The following SLC12A6 variants were observed in gnomAD, a reference collection of about 807,000 sequenced individuals.
SLC12A6 encodes the protein solute carrier family 12 member 6.
In SLC12A6, 66 loss-of-function variants were observed where a neutral mutation model predicts 135.3. The ratio of observed to expected loss-of-function variants is 0.49; its 90% CI spans 0.40 to 0.60. SLC12A6 has a LOEUF of 0.60. Among genes scored for constraint, SLC12A6 ranks in the 20% least tolerant of loss-of-function variants. SLC12A6 has a pLI of 0.00. For synonymous variants in SLC12A6, 513 were observed against 508.8 expected (o/e 1.01, Z -0.11); for missense variants, 1,058 against 1,452.3 (o/e 0.73, Z 4.41).
intron 3 of SLC12A6, among the ~76,000 whole-genome samples, chr15:34,272,690 C>T (rs1299108137): frequency 1.3e-5 from 2 of 152,150 alleles, no homozygotes; most frequent in Non-Finnish European, 2.9e-5. Context: ...TAAGATAACT[C>T]TTCCTTCATA....
At chr15:34,315,112 C>T (rs1031195780) in intron 2 of SLC12A6, among the ~76,000 whole-genome samples, 3 of 152,116 alleles carry the variant, frequency 2.0e-5, no homozygotes, top group Non-Finnish European at 4.4e-5. Flanking sequence ...GGTGAAATGG[C>T]AACAAAGGAT....
intron 2 of SLC12A6, among the ~76,000 whole-genome samples, chr15:34,310,372 G>T (rs1442367566): frequency 7.1e-6 from 1 of 139,868 alleles, no homozygotes; most frequent in Non-Finnish European, 1.6e-5. Context: ...AAGTGTGTGT[G>T]TGTGTCCCTG....
intron 2 of SLC12A6, among the ~76,000 whole-genome samples, chr15:34,283,324 CAA>C (rs1566837640): frequency 6.6e-6 from 1 of 151,960 alleles, no homozygotes; most frequent in Non-Finnish European, 1.5e-5. Context: ...ACCTGGGTGA[CAA>C]GAGCGAAACT....
intron 9 of SLC12A6, 73 bp downstream of exon 9, chr15:34,254,275 A>T (rs1433922344): frequency 1.4e-6 from 2 of 1,446,288 alleles, no homozygotes; most frequent in African/African-American, 1.4e-5. Context: ...ATTCTGACTT[A>T]AAATTATCAC....
rs570960795 is a variant in SLC12A6 at position 34,245,806 on chromosome 15, C to A, written c.1711G>T (p.Val571Leu). Residue 571 changes from valine (V) to leucine (L), a missense_variant, in exon 14 of 26, where the codon GTG becomes TTG. This residue lies in a region of SLC12A6 where 170 missense variants were observed against 297.6 expected (regional missense o/e 0.57). Coordinates refer to ENST00000354181, the MANE Select transcript of SLC12A6 (RefSeq NM_001365088.1). ...VGTLSWPSPW[V>L]IVIGSFFSTC... ...GAAAAGAAGGAGCCAATAACAATCA[C>A]CCATGGGGATGGCCAAGATAAGGTG... 11 of 1,613,510 alleles carry A rather than the reference C, an allele frequency of 6.8e-6. No homozygotes were observed. Among genetic ancestry groups the A allele is most frequent in the Middle Eastern group, 1.6e-4 (1 of 6,062 alleles).
Position 34,336,539 on chromosome 15 carries a change from G to A in SLC12A6, c.142C>T (p.Arg48Trp), listed in dbSNP as rs1306630198. Residue 48 changes from arginine (R) to tryptophan (W), a missense_variant, in exon 2 of 26, where the codon CGG becomes TGG. By Grantham distance (101) the Arg-to-Trp change is moderately radical. This residue lies in a region of SLC12A6 where 176 missense variants were observed against 168.9 expected (regional missense o/e 1.04). Transcript: ENST00000354181. ...CGGCTTGTTTCAGGCACGCTTTCCC[G>A]GGAGCTAAATCTTACTCGGGAACTA... The part of the protein sequence containing the change: ...RSSSRVRFSS[R>W]ESVPETSRSE... 5.6e-6 allele frequency: 9 copies of A among 1,613,798 alleles called. No homozygotes were observed. The East Asian group carries it at 1.1e-4, about 20-fold the overall frequency.
intron 2 of SLC12A6, among the ~76,000 whole-genome samples, chr15:34,304,788 G>A (rs930202289): frequency 2.0e-4 from 30 of 152,226 alleles, no homozygotes; most frequent in African/African-American, 7.2e-4. Context: ...TCTGAACTAT[G>A]CATCCTTTGG....
At chr15:34,313,267 C>T (rs936895076) in intron 2 of SLC12A6, among the ~76,000 whole-genome samples, 1 of 151,630 alleles carries the variant, frequency 6.6e-6, no homozygotes, top group Admixed American at 6.6e-5. Flanking sequence ...ATTAAAAGTG[C>T]TATTCCAGTG....
intron 2 of SLC12A6, among the ~76,000 whole-genome samples, chr15:34,324,819 G>C (rs1339836202): frequency 6.6e-6 from 1 of 152,016 alleles, no homozygotes; most frequent in Non-Finnish European, 1.5e-5. Flanking sequence ...CACTGTTTTA[G>C]AACACTGCTT....
At chr15:34,240,902 C>T in intron 18 of SLC12A6, 73 bp from the exon 19 acceptor site, 2 of 1,147,842 alleles carry the variant, frequency 1.7e-6, no homozygotes, top group Non-Finnish European at 2.6e-6. Context: ...TGACAGACTC[C>T]ACCCTTTAAT....
Position 34,254,348 on chromosome 15 carries a change from G to A in SLC12A6, c.1118C>T (p.Pro373Leu), listed in dbSNP as rs368994065. 3.7e-5 allele frequency: 60 copies of A among 1,612,768 alleles called. No homozygotes were observed. The highest frequency in any genetic ancestry group is 8.3e-5 in the Admixed American group (5 of 60,012). ...GCTAGGCAGAGAGACAGACACGTAC[G>A]GGAAGTGTGGAGGAGCAAAAGAAGA... is the stretch of plus-strand genomic sequence containing the variant. ...IKSSFAPPHF[P>L]VCMLGNRTLS... The change falls in exon 9 of 26, where the codon CCG becomes CTG. Residue 373 changes from proline to leucine, a missense_variant and splice_region_variant. By Grantham distance (98) the Pro-to-Leu change is moderately conservative (BLOSUM62 -3). Around this residue, in one of 6 missense-constraint regions of SLC12A6, gnomAD observed 297 missense variants for 318.5 expected, o/e 0.93. Transcript: ENST00000354181.
At chr15:34,280,850 T>C (rs1215661557) in intron 2 of SLC12A6, among the ~76,000 whole-genome samples, 4 of 152,150 alleles carry the variant, frequency 2.6e-5, no homozygotes, top group African/African-American at 9.7e-5. Flanking sequence ...TATTCAGCTC[T>C]TAAAAAGAAT....
intron 2 of SLC12A6, among the ~76,000 whole-genome samples, chr15:34,287,320 T>C (rs1308388850): frequency 2.0e-5 from 3 of 152,236 alleles, no homozygotes; most frequent in Non-Finnish European, 4.4e-5. Flanking sequence ...CTCATCCTTT[T>C]TTATGGCTGC....
chr15:34,246,450 T>C (rs1456569589), intron 13 of SLC12A6, among the ~76,000 whole-genome samples: 1 of 152,200 alleles, frequency 6.6e-6, no homozygotes, highest in Non-Finnish European at 1.5e-5. Flanking sequence ...CACTGCACTA[T>C]AATTCTGTAT....
At chr15:34,246,135 G>T (rs973501691) in intron 13 of SLC12A6, among the ~76,000 whole-genome samples, 3 of 152,084 alleles carry the variant, frequency 2.0e-5, no homozygotes, top group Non-Finnish European at 1.5e-5. Context: ...GTTTCACCAT[G>T]TTGCCCAGGC....
In SLC12A6 at chr15:34,231,995, G is replaced by T. The variant is rs1337467034; in HGVS notation, c.*1886C>A. 1 of 152,078 alleles carries T rather than the reference G, an allele frequency of 6.6e-6. No homozygotes were observed. Among genetic ancestry groups the T allele is most frequent in the Non-Finnish European group, 1.5e-5 (1 of 68,014 alleles). 9.4% of individuals were successfully genotyped at this position (152,078 alleles called of 1,614,324 possible). A position where few individuals can be genotyped will look rare whatever the true frequency, so the allele number is the denominator to read the frequency against. On this transcript the variant is annotated 3_prime_UTR_variant, in exon 26 of 26. Transcript: ENST00000354181. ...GTCAGCTTGCTCCATGTCCTATTTAGTAATCAAAGAAGAGTGGCACTATTT... is the reference window on the plus strand; with the variant it reads ...GTCAGCTTGCTCCATGTCCTATTTATTAATCAAAGAAGAGTGGCACTATTT...
intron 2 of SLC12A6, among the ~76,000 whole-genome samples, chr15:34,315,255 A>G (rs1484898992): frequency 1.3e-5 from 2 of 152,236 alleles, no homozygotes; most frequent in Non-Finnish European, 2.9e-5. Flanking sequence ...GAGTCAATTC[A>G]TGCAGTAAAC....
chr15:34,263,193 G>A (rs1893272018), intron 3 of SLC12A6, among the ~76,000 whole-genome samples: 1 of 152,136 alleles, frequency 6.6e-6, no homozygotes, highest in African/African-American at 2.4e-5. Flanking sequence ...GCCCAGGTGG[G>A]AGACTGCTAG....
At chr15:34,262,132 T>C (rs1257123628) in intron 3 of SLC12A6, among the ~76,000 whole-genome samples, 4 of 152,234 alleles carry the variant, frequency 2.6e-5, no homozygotes, top group Admixed American at 6.5e-5. Flanking sequence ...GATAAATCCA[T>C]GGACTGAACT....
Sources: gnomAD v4.1 joint callset for allele counts (sites outside exome capture counted in the v4.1 genomes callset) on GRCh38, gnomAD v4.1.1 for gene constraint, gnomAD v4.1.1 regional missense constraint, MANE v1.5 for transcripts, NCBI Gene and HGNC (gene_info 2026-07-23, HGNC 2026-07-21) for gene names.